The following GSK3B variants were observed in gnomAD, a reference collection of about 807,000 sequenced individuals.
GSK3B encodes the protein glycogen synthase kinase 3 beta.
A neutral mutation model predicts 56.4 loss-of-function variants in GSK3B; 15 were observed. The observed-to-expected ratio is 0.27, with a 90% CI of 0.18 to 0.41. The LOEUF is 0.41. Ranked by LOEUF, GSK3B falls within the 10% of genes least tolerant of loss-of-function variation. GSK3B has a pLI of 1.00. For missense variants in GSK3B, 300 were observed against 513.4 expected, an observed-to-expected ratio of 0.58 and a Z score of 4.02; for synonymous variants, 181 against 188.9, an observed-to-expected ratio of 0.96 and a Z score of 0.34.
chr3:119,884,624 T>C (rs968894282), intron 7 of GSK3B, among the ~76,000 whole-genome samples: 2 of 152,138 alleles, frequency 1.3e-5, no homozygotes, highest in Admixed American at 1.3e-4. Context: ...CTATCCAATG[T>C]TAAGGGCAGA....
At chr3:120,025,706 T>A (rs1204536659) in intron 1 of GSK3B, among the ~76,000 whole-genome samples, 2 of 151,510 alleles carry the variant, frequency 1.3e-5, no homozygotes, top group African/African-American at 4.9e-5. Flanking sequence ...TAAAAAAGAG[T>A]CTACCAGGCA....
chr3:119,844,349 G>C (rs1355827840), intron 9 of GSK3B, among the ~76,000 whole-genome samples: 8 of 132,380 alleles, frequency 6.0e-5, no homozygotes, highest in African/African-American at 2.1e-4. Context: ...GAAGGAGACA[G>C]AGACACAAAA....
Position 119,909,860 on chromosome 3 carries a change from A to C in GSK3B, c.715+2844T>G, listed in dbSNP as rs555648957. Among the ~76,000 whole-genome samples, 11 of 152,308 alleles carry C rather than the reference A, an allele frequency of 7.2e-5. No individual in the cohort carries two copies. In the South Asian group the frequency reaches 1.9e-3, roughly 26 times the overall value. On this transcript the variant is annotated intron_variant, in intron 6 of 10. Coordinates refer to ENST00000264235, the MANE Select transcript of GSK3B (RefSeq NM_001146156.2). Reference sequence around the variant, plus strand: ...CTATCACTAAACATCTGGGGTGAAGACTTGAGAAGGTCAATGATGATTAAA... The same window carrying C: ...CTATCACTAAACATCTGGGGTGAAGCCTTGAGAAGGTCAATGATGATTAAA...
At chr3:119,965,984 G>A (rs1410612182) in intron 2 of GSK3B, among the ~76,000 whole-genome samples, 1 of 152,124 alleles carries the variant, frequency 6.6e-6, no homozygotes, top group African/African-American at 2.4e-5. Flanking sequence ...ATTTTCCGGG[G>A]AATCTACAGG....
intron 8 of GSK3B, among the ~76,000 whole-genome samples, chr3:119,872,246 G>T (rs1577329080): frequency 1.3e-5 from 2 of 152,098 alleles, no homozygotes; most frequent in East Asian, 3.9e-4. Context: ...GATACCTCAA[G>T]AAGGTTGGGA....
chr3:120,028,680 TTCCTCCACACGTCTCAAAACCATG>T, intron 1 of GSK3B: 1 of 409,492 alleles, frequency 2.4e-6, no homozygotes, highest in East Asian at 6.6e-5. Flanking sequence ...TGTTATTCAG[TTCCTCCACACGTCTCAAAACCATG>T]TCCTTGCAGG....
chr3:119,850,726 CA>C (rs1344854085), intron 9 of GSK3B, among the ~76,000 whole-genome samples: 1 of 152,036 alleles, frequency 6.6e-6, no homozygotes, highest in African/African-American at 2.4e-5. Context: ...AGGATAGAAA[CA>C]GCAAAGTAAC....
At chr3:119,930,516 G>A (rs555436043) in intron 3 of GSK3B, among the ~76,000 whole-genome samples, 89 of 152,244 alleles carry the variant, frequency 5.8e-4, no homozygotes, top group African/African-American at 2.1e-3. Context: ...CACAGACCTA[G>A]AAGAATGGCT....
At chr3:119,934,299 T>C (rs2056973533) in intron 3 of GSK3B, among the ~76,000 whole-genome samples, 1 of 152,220 alleles carries the variant, frequency 6.6e-6, no homozygotes, top group Admixed American at 6.5e-5. Context: ...TATATGTCCT[T>C]GATATGATGT....
chr3:120,029,413 T>C (rs1468344740), intron 1 of GSK3B: 11 of 754,232 alleles, frequency 1.5e-5, no homozygotes, highest in Non-Finnish European at 2.4e-5. Flanking sequence ...GCAGCAAATA[T>C]CTTATGTTTT....
intron 3 of GSK3B, among the ~76,000 whole-genome samples, chr3:119,930,027 C>A (rs941224238): frequency 7.4e-5 from 11 of 149,480 alleles, no homozygotes; most frequent in Admixed American, 1.3e-4. Flanking sequence ...GCTAGTGAGC[C>A]GTGATGGCAC....
chr3:119,899,440 G>C (rs1018037997), intron 7 of GSK3B, among the ~76,000 whole-genome samples: 2 of 152,118 alleles, frequency 1.3e-5, no homozygotes, highest in African/African-American at 2.4e-5. Context: ...GTGTGGTAAT[G>C]AATGTAAAGT....
chr3:119,997,000 AG>A (rs905982353), intron 2 of GSK3B, among the ~76,000 whole-genome samples: 2 of 152,200 alleles, frequency 1.3e-5, no homozygotes, highest in African/African-American at 2.4e-5. Flanking sequence ...TTTAGATCAT[AG>A]GGAAAAAAAC....
intron 7 of GSK3B, among the ~76,000 whole-genome samples, chr3:119,882,931 G>C (rs1376306380): frequency 6.6e-6 from 1 of 152,114 alleles, no homozygotes; most frequent in Non-Finnish European, 1.5e-5. Flanking sequence ...ATCAGTGACT[G>C]TTAAGAGGCT....
intron 1 of GSK3B, among the ~76,000 whole-genome samples, chr3:120,023,883 A>G (rs188673292): frequency 5.8e-4 from 89 of 152,356 alleles, no homozygotes; most frequent in African/African-American, 2.1e-3. Context: ...CGCGTAGGCA[A>G]TATGCCCCAT....
intron 10 of GSK3B, among the ~76,000 whole-genome samples, chr3:119,841,332 G>A (rs1225880043): frequency 3.3e-5 from 5 of 152,082 alleles, no homozygotes; most frequent in Non-Finnish European, 5.9e-5. Context: ...TAATTAGTTC[G>A]CTATCTTGCA....
intron 2 of GSK3B, among the ~76,000 whole-genome samples, chr3:119,950,517 T>C (rs1487559808): frequency 2.0e-5 from 3 of 152,196 alleles, no homozygotes; most frequent in East Asian, 3.8e-4. Flanking sequence ...AAATGCAAGA[T>C]GTTGGTGACT....
At chr3:119,884,014 T>C (rs1305902762) in intron 7 of GSK3B, among the ~76,000 whole-genome samples, 3 of 152,124 alleles carry the variant, frequency 2.0e-5, no homozygotes, top group Non-Finnish European at 2.9e-5. Flanking sequence ...TGGTAGTACC[T>C]GCGGTATAAG....
intron 9 of GSK3B, among the ~76,000 whole-genome samples, chr3:119,856,015 A>C (rs2056018194): frequency 6.6e-6 from 1 of 152,200 alleles, no homozygotes; most frequent in South Asian, 2.1e-4. Flanking sequence ...GAACCAGTCT[A>C]CATTTTTCTA....
Sources: allele counts gnomAD v4.1 joint callset (sites outside exome capture counted in the v4.1 genomes callset), GRCh38; gene constraint gnomAD v4.1.1; transcripts MANE v1.5; gene names NCBI Gene and HGNC (gene_info 2026-07-23, HGNC 2026-07-21).